Variants in WDR41 observed in about 807,000 individuals in gnomAD.
WDR41 encodes the protein WD repeat domain 41, also known as WD repeat-containing protein 41.
A neutral mutation model predicts 69.3 loss-of-function variants in WDR41; 63 were observed. The ratio of observed to expected loss-of-function variants is 0.91; its 90% CI spans 0.74 to 1.12. The LOEUF is 1.12. Among genes scored for constraint, WDR41 ranks in the 50% most tolerant of loss-of-function variants. The pLI is 0.00. For missense variants in WDR41, 543 were observed against 534.5 expected, an observed-to-expected ratio of 1.02 and a Z score of -0.16; for synonymous variants, 185 against 192.1, an observed-to-expected ratio of 0.96 and a Z score of 0.31.
At chr5:77,600,257 T>C (rs979361211) in intron 1 of WDR41, among the ~76,000 whole-genome samples, 1 of 152,138 alleles carries the variant, frequency 6.6e-6, no homozygotes, top group African/African-American at 2.4e-5. Flanking sequence ...ATTCATACAA[T>C]GGAATACCAC....
chr5:77,566,708 A>G (rs1462233687), intron 1 of WDR41, among the ~76,000 whole-genome samples: 2 of 152,128 alleles, frequency 1.3e-5, no homozygotes, highest in Non-Finnish European at 2.9e-5. Context: ...GTGGACATCA[A>G]AATTTGTTTA....
intron 1 of WDR41, chr5:77,545,575 C>T (rs980339693): frequency 1.4e-5 from 4 of 283,820 alleles, no homozygotes; most frequent in Non-Finnish European, 2.7e-5. Context: ...CAAGCTGGGC[C>T]GTCTGGTCAA....
intron 4 of WDR41, among the ~76,000 whole-genome samples, chr5:77,460,259 G>T (rs143154428): frequency 3.9e-4 from 59 of 152,268 alleles, no homozygotes; most frequent in African/African-American, 1.4e-3. Flanking sequence ...AACCACCCTA[G>T]GTTGGGGACC....
chr5:77,604,133 G>A (rs149867073), intron 1 of WDR41, among the ~76,000 whole-genome samples: 10 of 151,964 alleles, frequency 6.6e-5, no homozygotes, highest in South Asian at 2.1e-4. Context: ...ATTTTGATAC[G>A]GATTGCATTG....
At chr5:77,435,021 C>A (rs531472734) in intron 12 of WDR41, among the ~76,000 whole-genome samples, 5 of 152,272 alleles carry the variant, frequency 3.3e-5, no homozygotes, top group Admixed American at 2.6e-4. Flanking sequence ...CAGGCTTTAT[C>A]CCCTACTAGT....
chr5:77,457,271 TTC>T (rs1799871610), intron 5 of WDR41, among the ~76,000 whole-genome samples: 1 of 152,202 alleles, frequency 6.6e-6, no homozygotes, highest in African/African-American at 2.4e-5. Context: ...TGGTGTATAA[TTC>T]TTTTTAGATG....
At chr5:77,546,691 G>A (rs10045543) in intron 1 of WDR41, among the ~76,000 whole-genome samples, 69,358 of 151,820 alleles carry the variant, frequency 0.46, 16,262 homozygotes, top group South Asian at 0.54. Flanking sequence ...TTCTACCAGA[G>A]GTTCAAAGAA....
At chr5:77,577,688 G>A (rs143748107) in intron 1 of WDR41, among the ~76,000 whole-genome samples, 97 of 152,272 alleles carry the variant, frequency 6.4e-4, no homozygotes, top group Admixed American at 1.0e-3. Context: ...ATATATTGCA[G>A]CACTGTTCCT....
At chr5:77,469,667 T>C (rs1392673118) in intron 2 of WDR41, among the ~76,000 whole-genome samples, 1 of 151,708 alleles carries the variant, frequency 6.6e-6, no homozygotes, top group African/African-American at 2.4e-5. Context: ...ATTGAAAAAA[T>C]GCTAAGGGTA....
chr5:77,456,786 C>T (rs1316512035), intron 5 of WDR41, among the ~76,000 whole-genome samples: 2 of 152,152 alleles, frequency 1.3e-5, no homozygotes, highest in African/African-American at 2.4e-5. Context: ...ACTGCAGCCT[C>T]GAACTCCTGG....
At chr5:77,516,217 T>C (rs1802289858) in intron 1 of WDR41, among the ~76,000 whole-genome samples, 1 of 152,204 alleles carries the variant, frequency 6.6e-6, no homozygotes, top group Non-Finnish European at 1.5e-5. Flanking sequence ...TTGTTTTAAT[T>C]TGCATTTTTA....
intron 5 of WDR41, among the ~76,000 whole-genome samples, chr5:77,455,742 C>CA (rs1175562683): frequency 6.6e-6 from 1 of 152,064 alleles, no homozygotes. Flanking sequence ...GCGCTCTTGT[C>CA]AAAAAATCAG....
In WDR41 at chr5:77,464,752, A is replaced by G; in HGVS notation, c.216+9T>C. 3 of 1,613,650 alleles carry G rather than the reference A, an allele frequency of 1.9e-6. No homozygotes were observed. The highest frequency in any genetic ancestry group is 2.5e-6 in the Non-Finnish European group (3 of 1,179,662). ...TTTATCACACAATCCACACATAATC[A>G]ATACACACCTGGGCATTCCACACAA... is the stretch of plus-strand genomic sequence containing the variant. On this transcript the variant is annotated intron_variant, in intron 3 of 12. Transcript: ENST00000296679.
At chr5:77,505,610 G>A (rs1313258193) in intron 1 of WDR41, among the ~76,000 whole-genome samples, 4 of 152,256 alleles carry the variant, frequency 2.6e-5, no homozygotes, top group East Asian at 3.9e-4. Flanking sequence ...CAAAGCTGGA[G>A]GCATCATGCT....
intron 1 of WDR41, among the ~76,000 whole-genome samples, chr5:77,605,802 C>G (rs138909659): frequency 3.4e-3 from 524 of 152,076 alleles, no homozygotes; most frequent in African/African-American, 0.011. Flanking sequence ...GTCAAATAAC[C>G]CTTTGTGCTT....
At chr5:77,490,711 G>A (rs1317921555) in intron 1 of WDR41, among the ~76,000 whole-genome samples, 1 of 152,108 alleles carries the variant, frequency 6.6e-6, no homozygotes, top group African/African-American at 2.4e-5. Flanking sequence ...ATGAAAACTT[G>A]CCAGGAATGG....
chr5:77,536,427 T>A (rs912085679), intron 1 of WDR41, among the ~76,000 whole-genome samples: 1 of 151,812 alleles, frequency 6.6e-6, no homozygotes, highest in South Asian at 2.1e-4. Flanking sequence ...ATGAAAATTA[T>A]CTGGGGAGAG....
chr5:77,448,125 C>T (rs1052898296), intron 8 of WDR41, among the ~76,000 whole-genome samples: 1 of 152,134 alleles, frequency 6.6e-6, no homozygotes, highest in Admixed American at 6.5e-5. Context: ...ACCATGCTGG[C>T]TCAGTGGTGC....
chr5:77,469,468 A>G (rs1366047705), intron 2 of WDR41, among the ~76,000 whole-genome samples: 1 of 152,160 alleles, frequency 6.6e-6, no homozygotes, highest in Admixed American at 6.6e-5. Flanking sequence ...CTGTATTTTT[A>G]GAAAACTGAT....
Sources: gnomAD v4.1 joint callset for allele counts (sites outside exome capture counted in the v4.1 genomes callset) on GRCh38, gnomAD v4.1.1 for gene constraint, MANE v1.5 for transcripts, NCBI Gene and HGNC (gene_info 2026-07-23, HGNC 2026-07-21) for gene names.